Variants in USP48 observed in about 807,000 individuals in gnomAD.
The protein encoded by USP48 is ubiquitin carboxyl-terminal hydrolase 48.
Under a neutral mutation model 150.7 loss-of-function variants are expected in USP48, and 43 were observed. That is an observed-to-expected ratio of 0.29 (90% CI 0.22 to 0.37). USP48 has a LOEUF of 0.37. Among genes scored for constraint, USP48 ranks in the 10% least tolerant of loss-of-function variants. The pLI is 1.00. For synonymous variants in USP48, 396 were observed against 425.9 expected (o/e 0.93, Z 0.86); for missense variants, 813 against 1,249.6 (o/e 0.65, Z 5.27).
At chr1:21,759,038 T>G (rs1037375818) in intron 1 of USP48, among the ~76,000 whole-genome samples, 10 of 151,474 alleles carry the variant, frequency 6.6e-5, no homozygotes, top group African/African-American at 2.4e-4. Context: ...CCAGGTGTGG[T>G]GGTACACGTT....
chr1:21,699,474 A>G (rs2097648445), intron 22 of USP48, among the ~76,000 whole-genome samples: 1 of 151,378 alleles, frequency 6.6e-6, no homozygotes, highest in Non-Finnish European at 1.5e-5. Context: ...CTGGAATTAC[A>G]GGCATGAGCC....
At chr1:21,739,009 A>G (rs145298853) in intron 8 of USP48, among the ~76,000 whole-genome samples, 1 of 152,324 alleles carries the variant, frequency 6.6e-6, no homozygotes, top group African/African-American at 2.4e-5. Context: ...TCAAGAAAAT[A>G]AGAATTATCA....
chr1:21,738,479 C>G (rs1276058995), intron 8 of USP48, among the ~76,000 whole-genome samples: 1 of 151,736 alleles, frequency 6.6e-6, no homozygotes, highest in Non-Finnish European at 1.5e-5. Context: ...GCCTCAACCT[C>G]CCAAGTAGCT....
rs367761120 is a variant in USP48 at position 21,687,174 on chromosome 1, A to G, written c.3058+17T>C. 4.3e-6 allele frequency: 7 copies of G among 1,611,086 alleles called. No individual in the cohort carries two copies. Among genetic ancestry groups the G allele is most frequent in the Non-Finnish European group, 5.9e-6 (7 of 1,178,274 alleles). On this transcript the variant is annotated intron_variant, in intron 25 of 26. Transcript: ENST00000308271. ...TAAAACCTAATCAGCAGATTCCTAA[A>G]ACAAATTCATCTTTACCTTGCATGA...
At chr1:21,701,385 A>G (rs1054582852) in intron 22 of USP48, 113 bp downstream of exon 22, 3 of 814,250 alleles carry the variant, frequency 3.7e-6, no homozygotes, top group African/African-American at 1.8e-5. Context: ...AAAAAAAGAA[A>G]AAAAAAGAAC....
In USP48 at chr1:21,751,605, A is replaced by G; in HGVS notation, c.676T>C (p.Cys226Arg). 6.2e-7 allele frequency: 1 copy of G among 1,613,512 alleles called. No homozygotes were observed. The change falls in exon 6 of 27, where the codon TGT becomes CGT. Residue 226 changes from cysteine to arginine, a missense_variant. Coordinates refer to ENST00000308271, the MANE Select transcript of USP48 (RefSeq NM_032236.8). ...GACAAAAGCTTAGACTCTCTGCCAC[A>G]CTGGTTGCAACTATAATAAAACAGA... ...EYAYVTVCNQ[C>R]GRESKLLSKF...
chr1:21,708,718 C>T (rs532428538), intron 15 of USP48, among the ~76,000 whole-genome samples: 99 of 151,222 alleles, frequency 6.5e-4, no homozygotes, highest in African/African-American at 2.2e-3. Flanking sequence ...CCTGTCTCTA[C>T]TAAAAATACA....
intron 1 of USP48, among the ~76,000 whole-genome samples, chr1:21,781,118 A>C (rs1226347208): frequency 7.0e-6 from 1 of 143,386 alleles, no homozygotes; most frequent in Non-Finnish European, 1.5e-5. Context: ...CGCTGTCTCG[A>C]AAAAAAAAAA....
At chr1:21,758,236 A>G (rs949047310) in intron 1 of USP48, among the ~76,000 whole-genome samples, 5 of 151,096 alleles carry the variant, frequency 3.3e-5, no homozygotes, top group African/African-American at 9.7e-5. Flanking sequence ...CATGAAAAAG[A>G]TATCTATGAA....
At chr1:21,683,196 G>A (rs151312132) in intron 25 of USP48, among the ~76,000 whole-genome samples, 35 of 152,096 alleles carry the variant, frequency 2.3e-4, no homozygotes, top group Non-Finnish European at 4.7e-4. Context: ...GCCCAGAGGC[G>A]GAGGTTGCAG....
chr1:21,690,157 C>CCTG, intron 23 of USP48, 58 bp from the exon 24 acceptor site: 1 of 1,453,096 alleles, frequency 6.9e-7, no homozygotes, highest in South Asian at 1.5e-5. Flanking sequence ...GACTTATACC[C>CCTG]TATTTAAATA....
chr1:21,767,705 A>G (rs1345881825), intron 1 of USP48, among the ~76,000 whole-genome samples: 1 of 152,068 alleles, frequency 6.6e-6, no homozygotes, highest in African/African-American at 2.4e-5. Flanking sequence ...TTGTTTTTAA[A>G]GAAAAATTTT....
chr1:21,748,804 G>A (rs575879408), intron 6 of USP48, among the ~76,000 whole-genome samples: 11 of 152,222 alleles, frequency 7.2e-5, no homozygotes, highest in African/African-American at 2.2e-4. Flanking sequence ...CCAACTACTC[G>A]GGAGGCTGAG....
chr1:21,719,450 T>C (rs967933536), intron 14 of USP48, among the ~76,000 whole-genome samples: 7 of 151,552 alleles, frequency 4.6e-5, no homozygotes, highest in African/African-American at 1.7e-4. Context: ...ATAAATATAA[T>C]ATAAAGTGAC....
intron 23 of USP48, among the ~76,000 whole-genome samples, chr1:21,690,439 G>C (rs1416844636): frequency 7.9e-5 from 12 of 152,128 alleles, no homozygotes; most frequent in Admixed American, 7.9e-4. Flanking sequence ...GCTTGGGCAA[G>C]GTCATCACTG....
chr1:21,713,931 C>CCTTCCTAGTT (rs1482669404), intron 15 of USP48, among the ~76,000 whole-genome samples: 13 of 152,098 alleles, frequency 8.5e-5, no homozygotes, highest in African/African-American at 3.1e-4. Context: ...CAGGATGGCC[C>CCTTCCTAGTT]CTTCCTAGTT....
intron 1 of USP48, among the ~76,000 whole-genome samples, chr1:21,771,950 A>G (rs2097882151): frequency 6.6e-6 from 1 of 152,122 alleles, no homozygotes; most frequent in African/African-American, 2.4e-5. Context: ...AATAAACCCA[A>G]GTAAATATGG....
chr1:21,724,596 T>G (rs2097731276), intron 11 of USP48: 2 of 160,984 alleles, frequency 1.2e-5, no homozygotes, highest in African/African-American at 4.8e-5. Context: ...ATGACCACAC[T>G]TCAGAAGACG....
intron 8 of USP48, among the ~76,000 whole-genome samples, chr1:21,744,308 C>T (rs762530909): frequency 2.6e-5 from 4 of 151,514 alleles, no homozygotes; most frequent in Non-Finnish European, 4.4e-5. Context: ...TAGCCAGGTA[C>T]GATGGCATGC....
Sources: allele counts gnomAD v4.1 joint callset (sites outside exome capture counted in the v4.1 genomes callset), GRCh38; gene constraint gnomAD v4.1.1; transcripts MANE v1.5; gene names NCBI Gene and HGNC (gene_info 2026-07-23, HGNC 2026-07-21).